The following FARS2 variants were observed in gnomAD, a reference collection of about 807,000 sequenced individuals.
FARS2 encodes the protein phenylalanyl-tRNA synthetase 2, mitochondrial.
Under a neutral mutation model 46.4 loss-of-function variants are expected in FARS2, and 40 were observed. That is an observed-to-expected ratio of 0.86 (90% CI 0.67 to 1.12). FARS2 has a LOEUF of 1.12. Among genes scored for constraint, FARS2 ranks in the 50% most tolerant of loss-of-function variants. The pLI, the probability that FARS2 is intolerant of heterozygous loss-of-function variation, is 0.00. For missense variants in FARS2, 513 were observed against 567.9 expected (o/e 0.90, Z 0.98); for synonymous variants, 234 against 214.9 (o/e 1.09, Z -0.78).
chr6:5,560,037 G>A (rs1194589513), intron 5 of FARS2, among the ~76,000 whole-genome samples: 2 of 152,220 alleles, frequency 1.3e-5, no homozygotes, highest in African/African-American at 2.4e-5. Flanking sequence ...TTAGCTTACC[G>A]CCTTTGAAAA....
intron 6 of FARS2, among the ~76,000 whole-genome samples, chr6:5,660,368 G>T (rs1191894867): frequency 6.6e-6 from 1 of 152,166 alleles, no homozygotes; most frequent in Non-Finnish European, 1.5e-5. Context: ...AGCAGGCTGG[G>T]CGCCATGGCT....
At chr6:5,335,695 C>G (rs1172515070) in intron 1 of FARS2, among the ~76,000 whole-genome samples, 1 of 152,096 alleles carries the variant, frequency 6.6e-6, no homozygotes, top group Non-Finnish European at 1.5e-5. Context: ...GTAAGAGTGT[C>G]ATAAATGAGT....
chr6:5,759,024 T>C (rs913421289), intron 6 of FARS2, among the ~76,000 whole-genome samples: 1 of 152,134 alleles, frequency 6.6e-6, no homozygotes, highest in African/African-American at 2.4e-5. Context: ...ATGGTGGTGC[T>C]CTAAACTGAG....
chr6:5,344,861 C>G (rs1208106380), intron 1 of FARS2, among the ~76,000 whole-genome samples: 1 of 151,222 alleles, frequency 6.6e-6, no homozygotes, highest in Non-Finnish European at 1.5e-5. Context: ...TGGTTTCAAG[C>G]TCACTGCAGC....
chr6:5,258,333 T>C (rs2127785370), upstream of FARS2, among the ~76,000 whole-genome samples: 1 of 152,408 alleles, frequency 6.6e-6, no homozygotes, highest in Middle Eastern at 3.4e-3. Context: ...TGATTGCTTA[T>C]TCAGCACTAC....
At chr6:5,482,452 C>T (rs1438271660) in intron 4 of FARS2, among the ~76,000 whole-genome samples, 1 of 152,132 alleles carries the variant, frequency 6.6e-6, no homozygotes, top group Non-Finnish European at 1.5e-5. Context: ...TCCTGAGGTT[C>T]ATTAATGGAG....
chr6:5,533,302 G>A (rs1769979984), intron 4 of FARS2, among the ~76,000 whole-genome samples: 2 of 152,238 alleles, frequency 1.3e-5, no homozygotes, highest in South Asian at 4.1e-4. Context: ...TATCACTACT[G>A]TTAAATATCA....
At chr6:5,682,243 A>G (rs1002844540) in intron 6 of FARS2, among the ~76,000 whole-genome samples, 1 of 152,248 alleles carries the variant, frequency 6.6e-6, no homozygotes, top group Non-Finnish European at 1.5e-5. Flanking sequence ...ATTAATATCT[A>G]TATATAGTTA....
In FARS2 at chr6:5,510,869, C is replaced by G. The variant is rs145248154; in HGVS notation, c.905-34311C>G. On this transcript the variant is annotated intron_variant, in intron 4 of 6. Coordinates refer to ENST00000274680, the MANE Select transcript of FARS2 (RefSeq NM_006567.5). Reference sequence around the variant, plus strand: ...GAGCTGGTATTTATTAATGGCAGGCCGATGCCTAGGAGTGCCTGTCTGTGC... The same window carrying G: ...GAGCTGGTATTTATTAATGGCAGGCGGATGCCTAGGAGTGCCTGTCTGTGC... Among the ~76,000 whole-genome samples the G allele has an allele frequency of 4.4e-3, 671 of 152,138 alleles. 8 individuals are homozygous for G. The highest frequency in any genetic ancestry group is 0.015 in the African/African-American group (636 of 41,500).
At chr6:5,252,051 A>G in the FARS2 span, among the ~76,000 whole-genome samples, 2 of 152,224 alleles carry the variant, frequency 1.3e-5, no homozygotes, top group Non-Finnish European at 2.9e-5. Context: ...TGTGTAGTAC[A>G]TAGTAAGCGA....
chr6:5,639,130 C>T (rs1162510267), intron 6 of FARS2, among the ~76,000 whole-genome samples: 3 of 152,250 alleles, frequency 2.0e-5, no homozygotes, highest in Non-Finnish European at 2.9e-5. Flanking sequence ...TACTTAGCCT[C>T]TCTGAGCCAC....
At chr6:5,388,527 A>T (rs909733581) in intron 2 of FARS2, among the ~76,000 whole-genome samples, 2 of 152,136 alleles carry the variant, frequency 1.3e-5, no homozygotes, top group Non-Finnish European at 2.9e-5. Flanking sequence ...ATATTTGCCC[A>T]TGATTTTTAA....
At chr6:5,470,458 C>G (rs1765748971) in intron 4 of FARS2, among the ~76,000 whole-genome samples, 1 of 152,190 alleles carries the variant, frequency 6.6e-6, no homozygotes, top group Non-Finnish European at 1.5e-5. Context: ...TGACTATACA[C>G]TACCCAATTT....
chr6:5,454,504 C>A (rs1330332869), intron 4 of FARS2, among the ~76,000 whole-genome samples: 2 of 151,800 alleles, frequency 1.3e-5, no homozygotes, highest in Non-Finnish European at 2.9e-5. Flanking sequence ...GCTACCATGC[C>A]CGGCTAATTT....
chr6:5,386,486 T>C (rs1181214052), intron 2 of FARS2, among the ~76,000 whole-genome samples: 1 of 152,162 alleles, frequency 6.6e-6, no homozygotes, highest in African/African-American at 2.4e-5. Flanking sequence ...TTCTGCAATG[T>C]GGCCAGTGGA....
chr6:5,436,048 A>G (rs1763502422), intron 4 of FARS2, among the ~76,000 whole-genome samples: 1 of 52,666 alleles, frequency 1.9e-5, no homozygotes, highest in African/African-American at 4.7e-5. Flanking sequence ...ATATCACAGC[A>G]TACAATACAC....
intron 1 of FARS2, among the ~76,000 whole-genome samples, chr6:5,309,242 G>A (rs1338894863): frequency 3.9e-5 from 6 of 152,208 alleles, no homozygotes; most frequent in Middle Eastern, 6.8e-3. Context: ...ATTGCAGATA[G>A]ACTCTCTAGG....
chr6:5,749,291 AGG>A (rs1761813142), intron 6 of FARS2, among the ~76,000 whole-genome samples: 3 of 152,258 alleles, frequency 2.0e-5, no homozygotes, highest in Non-Finnish European at 4.4e-5. Flanking sequence ...GGCTGGGGAC[AGG>A]CAGGCTGGCT....
intron 6 of FARS2, chr6:5,694,969 T>C (rs1758008381): frequency 6.6e-6 from 1 of 152,280 alleles, no homozygotes; most frequent in African/African-American, 2.4e-5. Context: ...ATGCTCACAC[T>C]ATTGCACTAC....
Sources: allele counts gnomAD v4.1 joint callset (sites outside exome capture counted in the v4.1 genomes callset), GRCh38; gene constraint gnomAD v4.1.1; transcripts MANE v1.5; gene names NCBI Gene and HGNC (gene_info 2026-07-23, HGNC 2026-07-21).